The following BABAM2 variants were observed in gnomAD, a reference collection of about 807,000 sequenced individuals.
BABAM2 encodes BRISC and BRCA1-A complex member 2.
A neutral mutation model predicts 54.7 loss-of-function variants in BABAM2; 31 were observed. The ratio of observed to expected loss-of-function variants is 0.57; its 90% CI spans 0.43 to 0.77. The LOEUF (loss-of-function observed/expected upper bound fraction) is 0.77, where lower values mean the gene tolerates loss of function less well. BABAM2 is among the 30% of genes least tolerant of loss of function. The pLI is 0.00. For synonymous variants in BABAM2, 167 were observed against 162.9 expected (o/e 1.03, Z -0.19); for missense variants, 364 against 455.8 (o/e 0.80, Z 1.83).
At chr2:27,992,961 G>A (rs1672883802) in intron 4 of BABAM2, among the ~76,000 whole-genome samples, 1 of 152,114 alleles carries the variant, frequency 6.6e-6, no homozygotes, top group South Asian at 2.1e-4. Context: ...GGCTTTCCCT[G>A]ACATCCCTAT....
intron 10 of BABAM2, among the ~76,000 whole-genome samples, chr2:28,279,467 A>G (rs1226971824): frequency 7.9e-5 from 12 of 152,244 alleles, no homozygotes; most frequent in South Asian, 2.1e-4. Flanking sequence ...TCCAAATCCC[A>G]GCAGCCTTTC....
intron 11 of BABAM2, among the ~76,000 whole-genome samples, chr2:28,302,431 A>T (rs1688183501): frequency 6.6e-6 from 1 of 151,744 alleles, no homozygotes; most frequent in South Asian, 2.1e-4. Flanking sequence ...AAAAAAAAAA[A>T]ATGTATCTGT....
chr2:27,891,303 A>G (rs1664821287), intron 1 of BABAM2, among the ~76,000 whole-genome samples: 1 of 152,090 alleles, frequency 6.6e-6, no homozygotes, highest in South Asian at 2.1e-4. Context: ...TTTCCGTTCC[A>G]TGACGTCAGC....
intron 6 of BABAM2, among the ~76,000 whole-genome samples, chr2:28,121,839 T>C (rs1441499269): frequency 6.6e-6 from 1 of 152,160 alleles, no homozygotes; most frequent in African/African-American, 2.4e-5. Flanking sequence ...TTGATGGATA[T>C]TGGAGCCTCT....
chr2:27,930,618 C>A (rs1346550636), intron 3 of BABAM2, among the ~76,000 whole-genome samples: 2 of 152,132 alleles, frequency 1.3e-5, no homozygotes, highest in African/African-American at 4.8e-5. Flanking sequence ...ATGGAGTTGG[C>A]CAATATTATG....
intron 6 of BABAM2, among the ~76,000 whole-genome samples, chr2:28,079,136 T>G (rs1164175908): frequency 2.6e-5 from 4 of 152,262 alleles, no homozygotes; most frequent in African/African-American, 9.6e-5. Flanking sequence ...AAAATGGCAA[T>G]AAAATCATTT....
chr2:28,084,028 G>A (rs1470378766), intron 6 of BABAM2, among the ~76,000 whole-genome samples: 2 of 152,150 alleles, frequency 1.3e-5, no homozygotes, highest in Non-Finnish European at 2.9e-5. Context: ...AAGGTGTCCT[G>A]CCCTCTCTTG....
intron 3 of BABAM2, among the ~76,000 whole-genome samples, chr2:27,956,813 A>G (rs1670121877): frequency 6.6e-6 from 1 of 152,226 alleles, no homozygotes; most frequent in Admixed American, 6.5e-5. Flanking sequence ...CTAGTATAGG[A>G]CTAACCAATT....
At chr2:27,974,073 G>A (rs1207933767) in intron 3 of BABAM2, among the ~76,000 whole-genome samples, 2 of 152,050 alleles carry the variant, frequency 1.3e-5, no homozygotes, top group Non-Finnish European at 2.9e-5. Context: ...TTTCACAAAT[G>A]AAATGCCAGA....
intron 10 of BABAM2, among the ~76,000 whole-genome samples, chr2:28,296,681 T>C (rs576440449): frequency 6.6e-6 from 1 of 152,160 alleles, no homozygotes; most frequent in East Asian, 1.9e-4. Context: ...ATCTAGCATG[T>C]ATTTTTATTT....
At chr2:28,309,672 C>T (rs1688891280) in intron 11 of BABAM2, 1 of 170,692 alleles carries the variant, frequency 5.9e-6, no homozygotes, top group South Asian at 1.8e-4. Flanking sequence ...GGTAACTTGG[C>T]TAGAGTTCCC....
chr2:28,159,879 CG>C (rs1451469059), intron 7 of BABAM2, among the ~76,000 whole-genome samples: 1 of 146,474 alleles, frequency 6.8e-6, no homozygotes, highest in African/African-American at 2.6e-5. Flanking sequence ...CCATCCCCGC[CG>C]GGAAAAAAAA....
At chr2:28,318,774 G>T (rs977023559) in intron 11 of BABAM2, among the ~76,000 whole-genome samples, 1 of 152,182 alleles carries the variant, frequency 6.6e-6, no homozygotes, top group East Asian at 1.9e-4. Context: ...TATCCCAGCT[G>T]TGTAGGCATG....
intron 5 of BABAM2, among the ~76,000 whole-genome samples, chr2:28,026,850 ATTT>A (rs1675770718): frequency 2.5e-5 from 1 of 39,936 alleles, no homozygotes; most frequent in African/African-American, 9.5e-5. Flanking sequence ...ATAAATATAT[ATTT>A]ATATATATAG....
At chr2:27,948,190 A>G (rs552045720) in intron 3 of BABAM2, among the ~76,000 whole-genome samples, 22 of 151,858 alleles carry the variant, frequency 1.4e-4, no homozygotes, top group Admixed American at 1.3e-4. Flanking sequence ...AATATTTAAT[A>G]TATTTTGATG....
chr2:27,920,285 A>G (rs557538926), intron 2 of BABAM2, among the ~76,000 whole-genome samples: 1 of 152,286 alleles, frequency 6.6e-6, no homozygotes, highest in South Asian at 2.1e-4. Context: ...TAGCCCTTTC[A>G]AGGCTGAATA....
chr2:28,137,430 T>A (rs1670650628), intron 7 of BABAM2, among the ~76,000 whole-genome samples: 1 of 152,190 alleles, frequency 6.6e-6, no homozygotes, highest in Non-Finnish European at 1.5e-5. Context: ...TTTACTAGTC[T>A]GGGAGCAGGG....
chr2:28,184,262 C>A (rs1676002684), intron 7 of BABAM2, among the ~76,000 whole-genome samples: 1 of 82,330 alleles, frequency 1.2e-5, no homozygotes, highest in Non-Finnish European at 2.3e-5. Context: ...CTCCCTCCCT[C>A]CCTCTCTCTC....
intron 7 of BABAM2, among the ~76,000 whole-genome samples, chr2:28,141,204 T>C (rs1671023483): frequency 6.6e-6 from 1 of 152,172 alleles, no homozygotes; most frequent in Admixed American, 6.5e-5. Flanking sequence ...TATATGTATA[T>C]GTGTGTATAT....
Sources: gnomAD v4.1 joint callset for allele counts (sites outside exome capture counted in the v4.1 genomes callset) on GRCh38, gnomAD v4.1.1 for gene constraint, MANE v1.5 for transcripts, NCBI Gene and HGNC (gene_info 2026-07-23, HGNC 2026-07-21) for gene names.